The following CDH13 variants were observed in gnomAD, a reference collection of about 807,000 sequenced individuals.
CDH13 encodes cadherin-13.
Under a neutral mutation model 63.8 loss-of-function variants are expected in CDH13, and 24 were observed. The ratio of observed to expected loss-of-function variants is 0.38; its 90% CI spans 0.27 to 0.53. The LOEUF (loss-of-function observed/expected upper bound fraction) is 0.53, where lower values mean the gene tolerates loss of function less well. Among genes scored for constraint, CDH13 ranks in the 20% least tolerant of loss-of-function variants. CDH13 has a pLI of 0.85. For missense variants in CDH13, 1,049 were observed against 903.1 expected, an observed-to-expected ratio of 1.16 and a Z score of -2.07; for synonymous variants, 503 against 355.3, an observed-to-expected ratio of 1.42 and a Z score of -4.67.
intron 4 of CDH13, among the ~76,000 whole-genome samples, chr16:83,173,957 A>G (rs980932314): frequency 6.6e-6 from 1 of 152,090 alleles, no homozygotes; most frequent in Admixed American, 6.6e-5. Flanking sequence ...GTTATTTCAA[A>G]GCCAGTATCA....
intron 6 of CDH13, among the ~76,000 whole-genome samples, chr16:83,367,545 G>C (rs947587080): frequency 6.6e-6 from 1 of 152,152 alleles, no homozygotes; most frequent in Non-Finnish European, 1.5e-5. Flanking sequence ...AAGTGACTCT[G>C]TGTTAACCTT....
chr16:83,086,145 C>A (rs2033582427), intron 3 of CDH13, among the ~76,000 whole-genome samples: 1 of 152,158 alleles, frequency 6.6e-6, no homozygotes, highest in Admixed American at 6.5e-5. Context: ...ACTCAGATAC[C>A]AGGCCACTGG....
chr16:82,975,605 T>G (rs376463477), intron 2 of CDH13, among the ~76,000 whole-genome samples: 27 of 152,372 alleles, frequency 1.8e-4, no homozygotes, highest in African/African-American at 6.3e-4. Flanking sequence ...ATCGTAATGA[T>G]ACTATTTTCA....
At chr16:83,351,231 GC>G (rs1273168760) in intron 6 of CDH13, among the ~76,000 whole-genome samples, 3 of 148,272 alleles carry the variant, frequency 2.0e-5, no homozygotes, top group Non-Finnish European at 4.4e-5. Context: ...ATTCTCAACT[GC>G]CCCAACCAAT....
chr16:83,674,334 G>A (rs1307383388), intron 9 of CDH13, among the ~76,000 whole-genome samples: 1 of 152,172 alleles, frequency 6.6e-6, no homozygotes, highest in Non-Finnish European at 1.5e-5. Context: ...CAAAGCCCCA[G>A]GCATCATATC....
At chr16:82,782,875 T>A (rs929058423) in intron 1 of CDH13, among the ~76,000 whole-genome samples, 1 of 152,124 alleles carries the variant, frequency 6.6e-6, no homozygotes, top group South Asian at 2.1e-4. Flanking sequence ...GCGAGGTCTT[T>A]ATGACTTTCC....
At chr16:83,730,005 T>G (rs1910862578) in intron 10 of CDH13, among the ~76,000 whole-genome samples, 1 of 152,232 alleles carries the variant, frequency 6.6e-6, no homozygotes, top group Non-Finnish European at 1.5e-5. Context: ...TGTTTGCATG[T>G]GGACCCTCAC....
intron 2 of CDH13, among the ~76,000 whole-genome samples, chr16:82,893,287 G>A (rs953699803): frequency 3.9e-5 from 6 of 152,304 alleles, no homozygotes; most frequent in African/African-American, 1.4e-4. Flanking sequence ...GATAGACATG[G>A]CTTAAAATAG....
intron 1 of CDH13, among the ~76,000 whole-genome samples, chr16:82,791,064 C>T (rs573044245): frequency 6.6e-6 from 1 of 152,072 alleles, no homozygotes; most frequent in African/African-American, 2.4e-5. Flanking sequence ...AGTGAAATTC[C>T]GTCTTTACTA....
chr16:82,679,184 G>C (rs911542064), intron 1 of CDH13, among the ~76,000 whole-genome samples: 3 of 152,158 alleles, frequency 2.0e-5, no homozygotes, highest in African/African-American at 7.2e-5. Flanking sequence ...GTTCTCTTGG[G>C]TATTCCATTG....
At chr16:83,157,701 G>A (rs187531193) in intron 4 of CDH13, among the ~76,000 whole-genome samples, 9 of 149,110 alleles carry the variant, frequency 6.0e-5, no homozygotes, top group East Asian at 2.0e-4. Context: ...TAGAACATCC[G>A]GGCTAACAGG....
At chr16:83,349,922 G>C (rs6563900) in intron 6 of CDH13, among the ~76,000 whole-genome samples, 1,769 of 152,172 alleles carry the variant, frequency 0.012, 27 homozygotes, top group African/African-American at 0.039. Flanking sequence ...TATTAAAGCA[G>C]CTCCCAGAGT....
intron 2 of CDH13, among the ~76,000 whole-genome samples, chr16:82,999,253 TC>T (rs1020883117): frequency 5.3e-5 from 8 of 152,268 alleles, no homozygotes; most frequent in African/African-American, 9.6e-5. Context: ...GTTGTTTTTT[TC>T]CCCCCTCCTT....
At chr16:82,853,390 G>T (rs893369881) in intron 1 of CDH13, among the ~76,000 whole-genome samples, 3 of 152,222 alleles carry the variant, frequency 2.0e-5, no homozygotes, top group South Asian at 2.1e-4. Flanking sequence ...CATGAATATG[G>T]ATTTAAATAT....
intron 10 of CDH13, among the ~76,000 whole-genome samples, chr16:83,741,500 A>ATATG (rs1555523569): frequency 0.027 from 4,004 of 149,682 alleles, 76 homozygotes; most frequent in African/African-American, 0.057. Flanking sequence ...ATATATATAT[A>ATATG]TGTGTGTGTG....
At chr16:83,206,517 C>T (rs1372425915) in intron 4 of CDH13, among the ~76,000 whole-genome samples, 1 of 152,216 alleles carries the variant, frequency 6.6e-6, no homozygotes, top group Non-Finnish European at 1.5e-5. Context: ...TCACATGCAC[C>T]CGACAGTTTT....
chr16:82,998,143 C>G (rs1426368650), intron 2 of CDH13, among the ~76,000 whole-genome samples: 1 of 152,202 alleles, frequency 6.6e-6, no homozygotes, highest in Non-Finnish European at 1.5e-5. Context: ...ACGTTTGTCT[C>G]TTGATCCTGG....
intron 2 of CDH13, among the ~76,000 whole-genome samples, chr16:83,012,525 G>C (rs558226338): frequency 6.6e-6 from 1 of 151,812 alleles, no homozygotes. Flanking sequence ...AGACATCTTC[G>C]TCATTTGGGG....
chr16:83,074,716 T>C (rs1348799051), intron 3 of CDH13, among the ~76,000 whole-genome samples: 1 of 152,216 alleles, frequency 6.6e-6, no homozygotes, highest in Non-Finnish European at 1.5e-5. Flanking sequence ...CCTTCCTTCA[T>C]AGCCATCGTC....
Sources: allele counts gnomAD v4.1 joint callset (sites outside exome capture counted in the v4.1 genomes callset), GRCh38; gene constraint gnomAD v4.1.1; transcripts MANE v1.5; gene names NCBI Gene and HGNC (gene_info 2026-07-23, HGNC 2026-07-21).